The following MECOM variants were observed in gnomAD, a reference collection of about 807,000 sequenced individuals.
MECOM encodes the protein histone-lysine N-methyltransferase MECOM.
Under a neutral mutation model 116.3 loss-of-function variants are expected in MECOM, and 13 were observed. That is an observed-to-expected ratio of 0.11 (90% CI 0.07 to 0.18). The LOEUF is 0.18. Ranked by LOEUF, MECOM falls within the 10% of genes least tolerant of loss-of-function variation. The probability of loss-of-function intolerance (pLI) is 1.00; values close to 1 mark genes in which losing one functional copy is unlikely to be tolerated. For synonymous variants in MECOM, 528 were observed against 535.2 expected, an observed-to-expected ratio of 0.99 and a Z score of 0.19; for missense variants, 1,299 against 1,509.0, an observed-to-expected ratio of 0.86 and a Z score of 2.31.
chr3:169,300,769 G>A lies in MECOM; in HGVS notation c.375+80418C>T, dbSNP rs1024375468. Among the ~76,000 whole-genome samples, 5 of 152,142 alleles carry A rather than the reference G, an allele frequency of 3.3e-5. No homozygotes were observed. In the East Asian group the frequency reaches 7.7e-4, roughly 23 times the overall value. On this transcript the variant is annotated intron_variant, in intron 2 of 16. Transcript: ENST00000651503. ...AAACATAGTGTCCCCAAACAAAGAC[G>A]ATAACCCAAACGGGTTCCAACCAGA...
intron 1 of MECOM, among the ~76,000 whole-genome samples, chr3:169,478,705 T>TA (rs772876785): frequency 4.7e-4 from 72 of 152,172 alleles, no homozygotes; most frequent in Middle Eastern, 3.2e-3. Context: ...TATTATGGCT[T>TA]AAAAAAACTA....
intron 6 of MECOM, 126 bp from the exon 7 acceptor site, chr3:169,121,335 GTGTACTCTCCTCTAATTTCCAAAA>G: frequency 1.0e-6 from 1 of 986,114 alleles, no homozygotes; most frequent in Non-Finnish European, 1.4e-6. Flanking sequence ...AAGACCAAAA[GTGTACTCTCCTCTAATTTCCAAAA>G]TGTACTCTCC....
At chr3:169,423,998 C>T (rs1290230747) in intron 1 of MECOM, among the ~76,000 whole-genome samples, 1 of 152,112 alleles carries the variant, frequency 6.6e-6, no homozygotes, top group Non-Finnish European at 1.5e-5. Context: ...CCGATGGTCC[C>T]AGAGATTTAG....
intron 2 of MECOM, among the ~76,000 whole-genome samples, chr3:169,150,300 C>G (rs188191489): frequency 1.3e-5 from 2 of 152,170 alleles, no homozygotes; most frequent in African/African-American, 4.8e-5. Context: ...CCCCTGTTAG[C>G]TTGCTTTCCA....
chr3:169,574,385 G>C (rs1362775), intron 1 of MECOM, among the ~76,000 whole-genome samples: 1 of 152,098 alleles, frequency 6.6e-6, no homozygotes, highest in African/African-American at 2.4e-5. Flanking sequence ...TAAGAGTGAA[G>C]GAAGCTCCCT....
chr3:169,149,925 TTC>T (rs763887004), intron 2 of MECOM, among the ~76,000 whole-genome samples: 5,937 of 132,482 alleles, frequency 0.045, 141 homozygotes, highest in African/African-American at 0.061. Context: ...TAATCTCTCT[TTC>T]TCTCTCTCTG....
At chr3:169,491,596 T>C (rs1578252878) in intron 1 of MECOM, among the ~76,000 whole-genome samples, 1 of 152,192 alleles carries the variant, frequency 6.6e-6, no homozygotes, top group Non-Finnish European at 1.5e-5. Flanking sequence ...CTCAGAACAA[T>C]GAAAACTTCC....
rs1474032796 is a variant in MECOM, at chr3:169,472,521, A to AG, written c.38-90998dup. On this transcript the variant is annotated intron_variant, in intron 1 of 16. Transcript: ENST00000651503. ...AGGAAAGGAAAGGAAAGGAAAGGAA[A>AG]GAAAAGAAAAGAAAAGGAAAGGAAA... Among the ~76,000 whole-genome samples the AG allele has an allele frequency of 9.7e-4, 90 of 92,622 alleles. 3 individuals carry two copies. Among genetic ancestry groups the AG allele is most frequent in the African/African-American group, 3.3e-3 (59 of 17,778 alleles). 60.8% of individuals were successfully genotyped at this position (92,622 alleles called of 152,430 possible).
rs1776596673 is a variant in MECOM at position 169,663,480 on chromosome 3, C to CTG, written c.-109_-108insCA. Reference sequence around the variant, plus strand: ...CTCCCTCCCTCTCTCTCCTGTCTCTCTCTCTCTCTCTCTCTCTCTCTCTCT... The same window carrying CTG: ...CTCCCTCCCTCTCTCTCCTGTCTCTCTGTCTCTCTCTCTCTCTCTCTCTCTCT... On this transcript the variant is annotated 5_prime_UTR_variant, in exon 1 of 17. Transcript: ENST00000651503. The CTG allele has an allele frequency of 1.9e-5, 1 of 53,714 alleles. No individual in the cohort carries two copies. The highest frequency in any genetic ancestry group is 1.4e-4 in the African/African-American group (1 of 7,322). 3.3% of individuals were successfully genotyped at this position (53,714 alleles called of 1,614,324 possible).
intron 1 of MECOM, among the ~76,000 whole-genome samples, chr3:169,405,824 G>A (rs1736612169): frequency 6.6e-6 from 1 of 152,180 alleles, no homozygotes. Context: ...TACTTCTCAG[G>A]AGTGGCCCCC....
At chr3:169,647,614 T>TA (rs1774350463) in intron 1 of MECOM, among the ~76,000 whole-genome samples, 1 of 152,204 alleles carries the variant, frequency 6.6e-6, no homozygotes, top group Non-Finnish European at 1.5e-5. Flanking sequence ...CTGAAAAACC[T>TA]AAATAATGTG....
At chr3:169,556,679 T>A (rs1402020846) in intron 1 of MECOM, among the ~76,000 whole-genome samples, 1 of 152,030 alleles carries the variant, frequency 6.6e-6, no homozygotes, top group Non-Finnish European at 1.5e-5. Context: ...GCAGCATGTG[T>A]CCACACACAT....
chr3:169,366,886 C>T (rs1272225630), intron 2 of MECOM, among the ~76,000 whole-genome samples: 1 of 151,932 alleles, frequency 6.6e-6, no homozygotes, highest in Non-Finnish European at 1.5e-5. Flanking sequence ...AACTGACTGG[C>T]CAATAGCCAT....
At chr3:169,658,173 G>A (rs1302576796) in intron 1 of MECOM, among the ~76,000 whole-genome samples, 2 of 152,204 alleles carry the variant, frequency 1.3e-5, no homozygotes, top group Non-Finnish European at 2.9e-5. Flanking sequence ...TTTATCCTGC[G>A]CCGTCCAGGA....
intron 1 of MECOM, among the ~76,000 whole-genome samples, chr3:169,462,088 C>T (rs1918975): frequency 0.7 from 106,705 of 151,936 alleles, 38,846 homozygotes; most frequent in African/African-American, 0.91. Context: ...GGTGGCATTC[C>T]AAAGTGTAAA....
intron 2 of MECOM, among the ~76,000 whole-genome samples, chr3:169,207,893 T>C (rs932884311): frequency 1.6e-4 from 24 of 152,142 alleles, no homozygotes; most frequent in African/African-American, 5.8e-4. Flanking sequence ...CACCACCCAC[T>C]GACCACGCTG....
At chr3:169,434,776 GTTAAATGTTTTTGTTGTTTTTTC>G (rs1742359844) in intron 1 of MECOM, among the ~76,000 whole-genome samples, 1 of 152,170 alleles carries the variant, frequency 6.6e-6, no homozygotes. Context: ...TAATGATAGT[GTTAAATGTTTTTGTTGTTTTTTC>G]TCTCAAAACT....
chr3:169,491,319 G>T (rs77824969), intron 1 of MECOM, among the ~76,000 whole-genome samples: 1,866 of 152,206 alleles, frequency 0.012, 45 homozygotes, highest in African/African-American at 0.043. Flanking sequence ...CTAACCAAAA[G>T]GCCTGGAGTT....
At chr3:169,189,241 A>G (rs752111398) in intron 2 of MECOM, among the ~76,000 whole-genome samples, 1 of 152,088 alleles carries the variant, frequency 6.6e-6, no homozygotes, top group Non-Finnish European at 1.5e-5. Flanking sequence ...GTGAAAAATG[A>G]ATGACTCTTT....
Sources: allele counts gnomAD v4.1 joint callset (sites outside exome capture counted in the v4.1 genomes callset), GRCh38; gene constraint gnomAD v4.1.1; transcripts MANE v1.5; gene names NCBI Gene and HGNC (gene_info 2026-07-23, HGNC 2026-07-21).